ZNF608: variants seen among roughly 807,000 people sequenced by gnomAD.
ZNF608 encodes renal carcinoma antigen NY-REN-36.
ZNF608 carries 12 observed loss-of-function variants against 109.0 expected under a neutral mutation model. That is an observed-to-expected ratio of 0.11 (90% CI 0.07 to 0.18). The LOEUF (loss-of-function observed/expected upper bound fraction) is 0.18, where lower values mean the gene tolerates loss of function less well. Ranked by LOEUF, ZNF608 falls within the 10% of genes least tolerant of loss-of-function variation. ZNF608 has a pLI of 1.00. For missense variants in ZNF608, 1,707 were observed against 1,879.3 expected (o/e 0.91, Z 1.70); for synonymous variants, 732 against 717.4 (o/e 1.02, Z -0.33).
At chr5:124,717,892 C>T (rs916033030) in intron 2 of ZNF608, among the ~76,000 whole-genome samples, 1 of 152,136 alleles carries the variant, frequency 6.6e-6, no homozygotes. Flanking sequence ...ATAGGGGCAG[C>T]GAAGGAGGAA....
At position 124,647,991 on chromosome 5, in the gene ZNF608, G is replaced by A. The variant is rs143640085; in HGVS notation, c.2393C>T (p.Pro798Leu). 14 of 1,614,054 alleles carry A rather than the reference G, an allele frequency of 8.7e-6. No individual in the cohort carries two copies. In the African/African-American group the frequency reaches 1.7e-4, roughly 20 times the overall value. ...CACCAGAGCTGGGTTCACGGTGATG[G>A]GCTCTCCCATAATTGTGGGCTTTGG... is the stretch of plus-strand genomic sequence containing the variant. ...IQPKPTIMGEPITVNPALVSL... is the reference protein window; with the variant it reads ...IQPKPTIMGELITVNPALVSL... The change falls in exon 5 of 10, where the codon CCC becomes CTC. Residue 798 changes from proline (P) to leucine (L), a missense_variant. Around this residue, in one of 7 missense-constraint regions of ZNF608, gnomAD observed 1,073 missense variants for 1,133.5 expected, o/e 0.95. Coordinates refer to ENST00000513986, the MANE Select transcript of ZNF608 (RefSeq NM_020747.3).
intron 2 of ZNF608, among the ~76,000 whole-genome samples, chr5:124,733,836 A>C (rs1280921528): frequency 1.3e-5 from 2 of 152,212 alleles, no homozygotes; most frequent in African/African-American, 4.8e-5. Context: ...ATCTAAAAAT[A>C]AGTTTTTAGA....
chr5:124,696,536 T>C (rs187239479), intron 3 of ZNF608, among the ~76,000 whole-genome samples: 205 of 152,334 alleles, frequency 1.3e-3, no homozygotes, highest in Non-Finnish European at 2.4e-3. Flanking sequence ...AAGTATTGCA[T>C]TGGACTCACT....
chr5:124,646,138 G>A (rs972447737), intron 5 of ZNF608, among the ~76,000 whole-genome samples: 7 of 152,150 alleles, frequency 4.6e-5, no homozygotes, highest in East Asian at 1.9e-4. Context: ...CAGGGTGGGC[G>A]GATCATGAGG....
chr5:124,714,257 A>G (rs540267585), intron 2 of ZNF608, among the ~76,000 whole-genome samples: 1 of 152,204 alleles, frequency 6.6e-6, no homozygotes, highest in African/African-American at 2.4e-5. Context: ...ATTTTATCTT[A>G]ATTGCCCCAT....
At chr5:124,658,025 A>G (rs1321019226) in intron 3 of ZNF608, among the ~76,000 whole-genome samples, 1 of 152,226 alleles carries the variant, frequency 6.6e-6, no homozygotes, top group African/African-American at 2.4e-5. Flanking sequence ...TGCACCATTC[A>G]TATACAATAT....
At chr5:124,689,175 A>C (rs115247254) in intron 3 of ZNF608, among the ~76,000 whole-genome samples, 2,831 of 152,294 alleles carry the variant, frequency 0.019, 86 homozygotes, top group African/African-American at 0.065. Flanking sequence ...AGATGGGAGG[A>C]TCACTTGAGC....
intron 3 of ZNF608, among the ~76,000 whole-genome samples, chr5:124,665,690 G>C (rs1751448508): frequency 6.6e-6 from 1 of 152,206 alleles, no homozygotes; most frequent in South Asian, 2.1e-4. Flanking sequence ...TAGCCATCCA[G>C]TTTTACTGGA....
chr5:124,742,088 T>G (rs1197009650), intron 2 of ZNF608, among the ~76,000 whole-genome samples: 2 of 152,178 alleles, frequency 1.3e-5, no homozygotes, highest in African/African-American at 4.8e-5. Flanking sequence ...GTAATTCATA[T>G]TTATCACATT....
intron 2 of ZNF608, among the ~76,000 whole-genome samples, chr5:124,717,224 G>C (rs562206802): frequency 6.6e-6 from 1 of 152,144 alleles, no homozygotes; most frequent in South Asian, 2.1e-4. Flanking sequence ...CCAGCATTTT[G>C]GGAGGCCTAG....
At chr5:124,658,469 G>T (rs1405851433) in intron 3 of ZNF608, among the ~76,000 whole-genome samples, 4 of 152,186 alleles carry the variant, frequency 2.6e-5, no homozygotes, top group Non-Finnish European at 5.9e-5. Context: ...AAACTTCCTA[G>T]TAAGTAGCTG....
At chr5:124,658,209 G>A (rs1237308025) in intron 3 of ZNF608, among the ~76,000 whole-genome samples, 2 of 152,106 alleles carry the variant, frequency 1.3e-5, no homozygotes, top group Non-Finnish European at 2.9e-5. Context: ...ACATTTAACT[G>A]GGATGCATCA....
At chr5:124,656,873 C>T (rs530810400) in intron 3 of ZNF608, among the ~76,000 whole-genome samples, 87 of 150,304 alleles carry the variant, frequency 5.8e-4, no homozygotes, top group Middle Eastern at 3.5e-3. Context: ...CCTTGTTTCC[C>T]CATGGGCCTT....
rs753353392 is a variant in ZNF608 at position 124,644,520 on chromosome 5, T to G, written c.3847A>C (p.Ser1283Arg). 1 of 1,614,192 alleles carries G rather than the reference T, an allele frequency of 6.2e-7. No homozygotes were observed. Among genetic ancestry groups the G allele is most frequent in the Non-Finnish European group, 8.5e-7 (1 of 1,180,024 alleles). The change falls in exon 6 of 10, where the codon AGC becomes CGC. Residue 1283 changes from serine to arginine, a missense_variant. Ser to Arg is a moderately radical substitution (Grantham distance 110). Around this residue, in one of 7 missense-constraint regions of ZNF608, gnomAD observed 1,073 missense variants for 1,133.5 expected, o/e 0.95. Coordinates refer to ENST00000513986, the MANE Select transcript of ZNF608 (RefSeq NM_020747.3). ...ATGCTTGTTAACGATACAGGAAGGC[T>G]GGGCACACCACTCTCTTTATTAGGA... ...KTPNKESGVP[S>R]LPVSLTSIKE...
At chr5:124,690,355 C>T (rs1037000073) in intron 3 of ZNF608, among the ~76,000 whole-genome samples, 1 of 152,068 alleles carries the variant, frequency 6.6e-6, no homozygotes, top group African/African-American at 2.4e-5. Flanking sequence ...ATGGGCAAAC[C>T]CTAATATAAA....
At chr5:124,674,796 G>A (rs1184448006) in intron 3 of ZNF608, among the ~76,000 whole-genome samples, 1 of 151,958 alleles carries the variant, frequency 6.6e-6, no homozygotes, top group Non-Finnish European at 1.5e-5. Context: ...TTCTATTATT[G>A]TAGAGATAGG....
chr5:124,664,928 C>T (rs925722519), intron 3 of ZNF608, among the ~76,000 whole-genome samples: 3 of 152,154 alleles, frequency 2.0e-5, no homozygotes, highest in African/African-American at 7.2e-5. Context: ...GTAATCCCAG[C>T]ACTTTGGGAG....
chr5:124,723,309 T>C (rs1351601017), intron 2 of ZNF608, among the ~76,000 whole-genome samples: 4 of 152,356 alleles, frequency 2.6e-5, no homozygotes, highest in Non-Finnish European at 2.9e-5. Context: ...CCCTGCCTTA[T>C]AGTCAGATTT....
chr5:124,700,116 G>A (rs4360036), intron 3 of ZNF608, among the ~76,000 whole-genome samples: 1 of 151,712 alleles, frequency 6.6e-6, no homozygotes, highest in Non-Finnish European at 1.5e-5. Context: ...ATTTTTCTTT[G>A]TTCTCTGGTC....
Sources: allele counts gnomAD v4.1 joint callset (sites outside exome capture counted in the v4.1 genomes callset), GRCh38; gene constraint gnomAD v4.1.1; regional missense constraint gnomAD v4.1.1; transcripts MANE v1.5; gene names NCBI Gene and HGNC (gene_info 2026-07-23, HGNC 2026-07-21).